Variants in PRKG1 observed in about 807,000 individuals in gnomAD.
The protein encoded by PRKG1 is protein kinase cGMP-dependent 1.
Under a neutral mutation model 88.1 loss-of-function variants are expected in PRKG1, and 35 were observed. The ratio of observed to expected loss-of-function variants is 0.40; its 90% confidence interval spans 0.30 to 0.53. The LOEUF is 0.53. PRKG1 is among the 20% of genes least tolerant of loss of function. PRKG1 has a pLI of 0.59. For synonymous variants in PRKG1, 303 were observed against 292.5 expected, an observed-to-expected ratio of 1.04 and a Z score of -0.37; for missense variants, 540 against 839.8, an observed-to-expected ratio of 0.64 and a Z score of 4.41.
chr10:51,207,105 A>G (rs1838082342), intron 2 of PRKG1, among the ~76,000 whole-genome samples: 2 of 152,186 alleles, frequency 1.3e-5, no homozygotes, highest in South Asian at 2.1e-4. Flanking sequence ...TCTGATTTCA[A>G]TTGCCAGAGA....
chr10:51,381,611 G>A (rs556987810), intron 2 of PRKG1, among the ~76,000 whole-genome samples: 26 of 152,176 alleles, frequency 1.7e-4, no homozygotes, highest in Admixed American at 7.9e-4. Flanking sequence ...ATTTTTTCTA[G>A]TTAGATTTAG....
At chr10:51,948,153 C>T (rs1843097799) in intron 5 of PRKG1, among the ~76,000 whole-genome samples, 1 of 151,584 alleles carries the variant, frequency 6.6e-6, no homozygotes, top group South Asian at 2.1e-4. Context: ...ACATTGTTAC[C>T]TCAAACAAGT....
chr10:51,197,698 G>C (rs1409085819), intron 2 of PRKG1, among the ~76,000 whole-genome samples: 1 of 151,592 alleles, frequency 6.6e-6, no homozygotes, highest in East Asian at 1.9e-4. Context: ...ATCATTAAAA[G>C]GCTATCTCCT....
intron 9 of PRKG1, among the ~76,000 whole-genome samples, chr10:52,191,293 G>A (rs966989765): frequency 6.6e-6 from 1 of 151,464 alleles, no homozygotes; most frequent in African/African-American, 2.4e-5. Flanking sequence ...GGGAGGGCAG[G>A]AACACAGCAG....
chr10:51,787,722 A>G lies in PRKG1; in HGVS notation c.593-16863A>G, dbSNP rs147762128. 2.4e-3 allele frequency among the ~76,000 whole-genome samples: 371 copies of G among 152,322 alleles called. 1 individual carries two copies. The highest frequency in any genetic ancestry group is 8.4e-3 in the African/African-American group (349 of 41,584). ...GCGCAATTATGTTAACCAAGGGCAGAGTTTATTAAAGTCAGAATTTGGGAA... is the reference window on the plus strand; with the variant it reads ...GCGCAATTATGTTAACCAAGGGCAGGGTTTATTAAAGTCAGAATTTGGGAA... On this transcript the variant is annotated intron_variant, in intron 3 of 17. Coordinates refer to ENST00000373980, the MANE Select transcript of PRKG1 (RefSeq NM_006258.4).
At chr10:52,111,959 A>G (rs1847574726) in intron 7 of PRKG1, among the ~76,000 whole-genome samples, 1 of 152,166 alleles carries the variant, frequency 6.6e-6, no homozygotes, top group African/African-American at 2.4e-5. Context: ...AAGGATTAAA[A>G]TATTCTAACA....
chr10:51,194,502 A>C (rs1372388451), intron 2 of PRKG1, among the ~76,000 whole-genome samples: 1 of 152,026 alleles, frequency 6.6e-6, no homozygotes, highest in African/African-American at 2.4e-5. Flanking sequence ...CCTCTGTTGA[A>C]TATTGTAAAA....
At chr10:50,999,617 T>G (rs1488562743) in intron 1 of PRKG1, among the ~76,000 whole-genome samples, 2 of 152,212 alleles carry the variant, frequency 1.3e-5, no homozygotes, top group Admixed American at 6.5e-5. Flanking sequence ...TAAAAATAAT[T>G]GTATGTTTGC....
intron 3 of PRKG1, among the ~76,000 whole-genome samples, chr10:51,628,105 T>C (rs1172158196): frequency 6.9e-6 from 1 of 145,780 alleles, no homozygotes; most frequent in East Asian, 2.0e-4. Context: ...TCCCTTTCTT[T>C]CTTTCCTTCT....
chr10:51,238,892 T>C (rs978301649), intron 2 of PRKG1, among the ~76,000 whole-genome samples: 5 of 151,970 alleles, frequency 3.3e-5, no homozygotes, highest in Non-Finnish European at 7.4e-5. Context: ...ATTAGAGAAA[T>C]TGGTTTTTAT....
chr10:51,297,110 A>G (rs1840741175), intron 2 of PRKG1, among the ~76,000 whole-genome samples: 1 of 152,128 alleles, frequency 6.6e-6, no homozygotes, highest in Non-Finnish European at 1.5e-5. Context: ...TTCCCTGGCA[A>G]TAATATGATA....
chr10:52,291,700 C>T (rs1418191505), intron 17 of PRKG1, among the ~76,000 whole-genome samples: 1 of 151,956 alleles, frequency 6.6e-6, no homozygotes, highest in Admixed American at 6.6e-5. Context: ...GTGAATAGTG[C>T]CGCAATAAAC....
intron 3 of PRKG1, among the ~76,000 whole-genome samples, chr10:51,499,346 C>A (rs1360321891): frequency 6.6e-6 from 1 of 152,116 alleles, no homozygotes; most frequent in African/African-American, 2.4e-5. Flanking sequence ...CTCTCAAAGC[C>A]TTCCAGTAAA....
intron 9 of PRKG1, among the ~76,000 whole-genome samples, chr10:52,175,096 T>C (rs377750670): frequency 1.3e-5 from 2 of 152,086 alleles, no homozygotes; most frequent in East Asian, 3.8e-4. Flanking sequence ...CCTATCTAGC[T>C]GCAATTCTGT....
intron 4 of PRKG1, among the ~76,000 whole-genome samples, chr10:51,837,076 C>A (rs922399166): frequency 6.6e-6 from 1 of 152,126 alleles, no homozygotes; most frequent in Non-Finnish European, 1.5e-5. Flanking sequence ...AAATGCAATT[C>A]TTCTCACTCT....
intron 3 of PRKG1, among the ~76,000 whole-genome samples, chr10:51,537,408 A>G (rs1322871270): frequency 6.6e-6 from 1 of 152,106 alleles, no homozygotes; most frequent in Non-Finnish European, 1.5e-5. Flanking sequence ...GGCTCTAAAG[A>G]CAGATCACTT....
chr10:51,817,310 TA>T (rs11322746), intron 4 of PRKG1, among the ~76,000 whole-genome samples: 32,820 of 151,356 alleles, frequency 0.22, 5,828 homozygotes, highest in African/African-American at 0.49. Flanking sequence ...ACCCATCATC[TA>T]ACATTAGGTA....
intron 5 of PRKG1, among the ~76,000 whole-genome samples, chr10:52,045,351 A>G (rs932104362): frequency 6.6e-6 from 1 of 152,024 alleles, no homozygotes; most frequent in African/African-American, 2.4e-5. Context: ...ACTACTATCA[A>G]GGTAGGTAGA....
At chr10:51,875,912 CT>C in intron 4 of PRKG1, among the ~76,000 whole-genome samples, 1 of 151,268 alleles carries the variant, frequency 6.6e-6, no homozygotes, top group African/African-American at 2.4e-5. Context: ...TTCTGTCTTT[CT>C]TTTTCTCCTC....
Sources: allele counts gnomAD v4.1 joint callset (sites outside exome capture counted in the v4.1 genomes callset), GRCh38; gene constraint gnomAD v4.1.1; transcripts MANE v1.5; gene names NCBI Gene and HGNC (gene_info 2026-07-23, HGNC 2026-07-21).